HS6ST3: variants seen among roughly 807,000 people sequenced by gnomAD.
HS6ST3 encodes heparan sulfate 6-O-sulfotransferase 3, also known as heparan-sulfate 6-O-sulfotransferase 3.
Under a neutral mutation model 36.7 loss-of-function variants are expected in HS6ST3, and 12 were observed. The observed-to-expected ratio is 0.33, with a 90% CI of 0.21 to 0.53. The LOEUF (loss-of-function observed/expected upper bound fraction) is 0.53, where lower values mean the gene tolerates loss of function less well. Among genes scored for constraint, HS6ST3 ranks in the 20% least tolerant of loss-of-function variants. HS6ST3 has a pLI of 0.95. For synonymous variants in HS6ST3, 240 were observed against 257.5 expected, an observed-to-expected ratio of 0.93 and a Z score of 0.65; for missense variants, 584 against 640.9, an observed-to-expected ratio of 0.91 and a Z score of 0.96.
intron 1 of HS6ST3, among the ~76,000 whole-genome samples, chr13:96,611,303 T>C (rs1457721122): frequency 6.6e-6 from 1 of 151,922 alleles, no homozygotes; most frequent in African/African-American, 2.4e-5. Flanking sequence ...AGACATTTAT[T>C]TGATGAAATA....
At chr13:96,804,319 C>T (rs1433920204) in intron 1 of HS6ST3, among the ~76,000 whole-genome samples, 2 of 152,074 alleles carry the variant, frequency 1.3e-5, no homozygotes, top group Non-Finnish European at 2.9e-5. Context: ...ATGTCCTTTA[C>T]GTGGCTTCTG....
At chr13:96,653,281 A>G (rs2056613754) in intron 1 of HS6ST3, among the ~76,000 whole-genome samples, 1 of 152,072 alleles carries the variant, frequency 6.6e-6, no homozygotes, top group South Asian at 2.1e-4. Flanking sequence ...ACATTGGTAT[A>G]CATGTGTTAT....
chr13:96,280,267 TG>T (rs1407305877), intron 1 of HS6ST3, among the ~76,000 whole-genome samples: 1 of 152,220 alleles, frequency 6.6e-6, no homozygotes, highest in Admixed American at 6.5e-5. Flanking sequence ...CATTTCTTCT[TG>T]GCCATATGTT....
In HS6ST3 at chr13:96,416,792, G is replaced by A. The variant is rs530332074; in HGVS notation, c.707+325223G>A. Among the ~76,000 whole-genome samples the A allele has an allele frequency of 2.2e-5, 3 of 139,468 alleles. No individual in the cohort carries two copies. In the South Asian group the frequency reaches 6.9e-4, roughly 32 times the overall value. The allele number at this position is 139,468 out of a possible 152,430, so 91.5% of individuals were successfully genotyped here. On this transcript the variant is annotated intron_variant, in intron 1 of 1. Transcript: ENST00000376705. ...TTTTGAGACGGAGTCTCGCTCTGTT[G>A]CCCAGGCTAGAGTGCAGTGGCACGA...
chr13:96,573,621 A>G, intron 1 of HS6ST3: 1 of 231,004 alleles, frequency 4.3e-6, no homozygotes, highest in Non-Finnish European at 8.5e-6. Flanking sequence ...CGAGCACCCA[A>G]TCAGGATAGG....
chr13:96,758,828 A>G (rs751094540), intron 1 of HS6ST3, among the ~76,000 whole-genome samples: 33 of 151,766 alleles, frequency 2.2e-4, no homozygotes, highest in Non-Finnish European at 3.5e-4. Context: ...GTGCATTCCA[A>G]CTGCTGTTGT....
chr13:96,631,883 A>G (rs2056533215), intron 1 of HS6ST3, among the ~76,000 whole-genome samples: 1 of 152,206 alleles, frequency 6.6e-6, no homozygotes, highest in Non-Finnish European at 1.5e-5. Context: ...TCAATGCCAA[A>G]GCAGGGTGGG....
chr13:96,165,940 A>G (rs1448845017), intron 1 of HS6ST3, among the ~76,000 whole-genome samples: 3 of 152,172 alleles, frequency 2.0e-5, no homozygotes, highest in Non-Finnish European at 2.9e-5. Context: ...GCTTTATTTA[A>G]GGCTGTTGCC....
intron 1 of HS6ST3, among the ~76,000 whole-genome samples, chr13:96,604,242 C>T (rs929225213): frequency 1.3e-5 from 2 of 152,132 alleles, no homozygotes; most frequent in South Asian, 2.1e-4. Context: ...TCCATCTGCT[C>T]ATTAATTTTT....
chr13:96,174,344 G>GA (rs988231344), intron 1 of HS6ST3, among the ~76,000 whole-genome samples: 1 of 151,976 alleles, frequency 6.6e-6, no homozygotes, highest in African/African-American at 2.4e-5. Context: ...TCCCTATCAT[G>GA]AAAGAGGAAT....
chr13:96,558,930 T>A (rs1022382405), intron 1 of HS6ST3, among the ~76,000 whole-genome samples: 1 of 152,184 alleles, frequency 6.6e-6, no homozygotes, highest in Non-Finnish European at 1.5e-5. Flanking sequence ...TCTGATTGCC[T>A]GATATAATTT....
chr13:96,759,996 T>A (rs1318262976), intron 1 of HS6ST3, among the ~76,000 whole-genome samples: 2 of 152,040 alleles, frequency 1.3e-5, no homozygotes, highest in African/African-American at 4.8e-5. Context: ...GACATGTTTT[T>A]TTTTGCTGTT....
intron 1 of HS6ST3, among the ~76,000 whole-genome samples, chr13:96,245,699 C>A (rs2054581862): frequency 6.6e-6 from 1 of 152,148 alleles, no homozygotes; most frequent in African/African-American, 2.4e-5. Context: ...ACACCCCATA[C>A]AAACTATAGT....
At chr13:96,686,124 T>C (rs1388936314) in intron 1 of HS6ST3, among the ~76,000 whole-genome samples, 1 of 152,010 alleles carries the variant, frequency 6.6e-6, no homozygotes, top group Admixed American at 6.6e-5. Flanking sequence ...CAACTCATCA[T>C]CACACTTTCT....
chr13:96,532,322 G>C (rs1027269587), intron 1 of HS6ST3, among the ~76,000 whole-genome samples: 1 of 152,216 alleles, frequency 6.6e-6, no homozygotes, highest in Non-Finnish European at 1.5e-5. Context: ...TTTTCCCGAT[G>C]AGAAATACAA....
At chr13:96,784,460 T>G (rs958997311) in intron 1 of HS6ST3, among the ~76,000 whole-genome samples, 1 of 152,152 alleles carries the variant, frequency 6.6e-6, no homozygotes, top group African/African-American at 2.4e-5. Context: ...CACACACACA[T>G]AGGATGTTGT....
chr13:96,286,801 T>A (rs1189084399), intron 1 of HS6ST3, among the ~76,000 whole-genome samples: 2 of 152,128 alleles, frequency 1.3e-5, no homozygotes, highest in Admixed American at 1.3e-4. Context: ...GACTTTTGTC[T>A]AATGCTCCTG....
At chr13:96,340,985 T>G (rs1380922982) in intron 1 of HS6ST3, among the ~76,000 whole-genome samples, 1 of 152,170 alleles carries the variant, frequency 6.6e-6, no homozygotes, top group African/African-American at 2.4e-5. Flanking sequence ...AAATCAAGCA[T>G]TTATTCCCAA....
chr13:96,241,857 C>T (rs1335834217), intron 1 of HS6ST3, among the ~76,000 whole-genome samples: 1 of 146,950 alleles, frequency 6.8e-6, no homozygotes, highest in Non-Finnish European at 1.5e-5. Flanking sequence ...GCGATCTATG[C>T]TCACTGCAAG....
Sources: gnomAD v4.1 joint callset for allele counts (sites outside exome capture counted in the v4.1 genomes callset) on GRCh38, gnomAD v4.1.1 for gene constraint, MANE v1.5 for transcripts, NCBI Gene and HGNC (gene_info 2026-07-23, HGNC 2026-07-21) for gene names.